Variants in FHIT observed in about 807,000 individuals in gnomAD.
The protein encoded by FHIT is fragile histidine triad diadenosine triphosphatase.
FHIT carries 19 observed loss-of-function variants against 17.9 expected under a neutral mutation model. The observed-to-expected ratio is 1.06, with a 90% CI of 0.74 to 1.56. FHIT has a LOEUF of 1.56. FHIT is among the 40% of genes most tolerant of loss of function. The pLI, the probability that FHIT is intolerant of heterozygous loss-of-function variation, is 0.00. For synonymous variants in FHIT, 81 were observed against 69.7 expected, an observed-to-expected ratio of 1.16 and a Z score of -0.81; for missense variants, 248 against 189.2, an observed-to-expected ratio of 1.31 and a Z score of -1.82.
At chr3:60,502,360 C>T (rs1309526243) in intron 5 of FHIT, among the ~76,000 whole-genome samples, 1 of 152,150 alleles carries the variant, frequency 6.6e-6, no homozygotes, top group East Asian at 1.9e-4. Flanking sequence ...GCCCCTGTCT[C>T]CAAGGAGCTG....
At chr3:60,194,804 T>TA (rs1426585804) in intron 5 of FHIT, among the ~76,000 whole-genome samples, 8 of 151,994 alleles carry the variant, frequency 5.3e-5, no homozygotes, top group Admixed American at 5.2e-4. Flanking sequence ...CAAAAGAAGA[T>TA]ATACAAGTGG....
At chr3:59,958,840 G>A (rs2107336255) in intron 7 of FHIT, among the ~76,000 whole-genome samples, 1 of 151,736 alleles carries the variant, frequency 6.6e-6, no homozygotes, top group Middle Eastern at 3.4e-3. Flanking sequence ...AGCATCTCCT[G>A]AGAATCCCAA....
At chr3:60,029,653 G>T (rs1409419420) in intron 5 of FHIT, among the ~76,000 whole-genome samples, 1 of 152,126 alleles carries the variant, frequency 6.6e-6, no homozygotes, top group Non-Finnish European at 1.5e-5. Flanking sequence ...CTCTCTAAAA[G>T]AAAATGATAT....
chr3:60,975,504 CA>C (rs1230484623), intron 3 of FHIT, among the ~76,000 whole-genome samples: 1 of 152,074 alleles, frequency 6.6e-6, no homozygotes, highest in Non-Finnish European at 1.5e-5. Flanking sequence ...AGAAAGATTA[CA>C]AAAGAAGTAT....
rs189830683 is a variant in FHIT, at chr3:59,957,289, G to C, written c.280-34875C>G. Among the ~76,000 whole-genome samples the C allele has an allele frequency of 4.5e-3, 686 of 152,324 alleles. 6 individuals carry two copies. The highest frequency in any genetic ancestry group is 0.015 in the African/African-American group (633 of 41,568). On this transcript the variant is annotated intron_variant, in intron 7 of 9. Coordinates refer to ENST00000492590, the MANE Select transcript of FHIT (RefSeq NM_002012.4). ...AATTTGGATACACAAAGAGAAACCA[G>C]GGGTGTGCATTCGAGAGAAAAGATT...
At chr3:60,551,666 A>G (rs1239474173) in intron 4 of FHIT, among the ~76,000 whole-genome samples, 1 of 144,694 alleles carries the variant, frequency 6.9e-6, no homozygotes, top group Non-Finnish European at 1.5e-5. Context: ...AGACCATGGC[A>G]CGAAATGCCT....
At chr3:59,782,182 A>T (rs1017273934) in intron 8 of FHIT, among the ~76,000 whole-genome samples, 3 of 152,136 alleles carry the variant, frequency 2.0e-5, no homozygotes, top group Non-Finnish European at 4.4e-5. Flanking sequence ...CAAACTCCTG[A>T]CCTTCAGGTG....
intron 5 of FHIT, among the ~76,000 whole-genome samples, chr3:60,446,689 A>C (rs1171346516): frequency 1.3e-5 from 2 of 152,034 alleles, no homozygotes; most frequent in Non-Finnish European, 2.9e-5. Flanking sequence ...CTGTCTCCAC[A>C]AAATACTTAA....
chr3:61,170,475 CAT>C (rs973229777), intron 2 of FHIT, among the ~76,000 whole-genome samples: 6 of 152,100 alleles, frequency 3.9e-5, no homozygotes, highest in Non-Finnish European at 8.8e-5. Context: ...TCATTACCCA[CAT>C]GTTAAACCTA....
intron 4 of FHIT, among the ~76,000 whole-genome samples, chr3:60,703,215 G>T (rs540518886): frequency 6.6e-6 from 1 of 152,308 alleles, no homozygotes; most frequent in African/African-American, 2.4e-5. Flanking sequence ...AAATGCCAAG[G>T]ACTGTTGGCA....
intron 5 of FHIT, among the ~76,000 whole-genome samples, chr3:60,169,848 G>A (rs1457285911): frequency 1.3e-5 from 2 of 152,164 alleles, no homozygotes; most frequent in African/African-American, 4.8e-5. Flanking sequence ...GTTCCCGGGA[G>A]GGAGGAGGTA....
At chr3:61,053,612 C>T (rs1004942682) in intron 2 of FHIT, among the ~76,000 whole-genome samples, 2 of 151,846 alleles carry the variant, frequency 1.3e-5, no homozygotes, top group Non-Finnish European at 2.9e-5. Flanking sequence ...GAGCCTAGAT[C>T]GTGCCATTGC....
At chr3:60,885,880 T>C (rs2107148650) in intron 3 of FHIT, among the ~76,000 whole-genome samples, 1 of 152,272 alleles carries the variant, frequency 6.6e-6, no homozygotes, top group Non-Finnish European at 1.5e-5. Flanking sequence ...GACACATTCA[T>C]ATGTTTTACA....
At chr3:60,907,841 A>G (rs768230899) in intron 3 of FHIT, among the ~76,000 whole-genome samples, 1 of 152,338 alleles carries the variant, frequency 6.6e-6, no homozygotes, top group East Asian at 1.9e-4. Context: ...GAGGTTTGCA[A>G]TACTAACTCA....
At chr3:61,185,620 G>C (rs9875844) in intron 2 of FHIT, among the ~76,000 whole-genome samples, 33,636 of 152,030 alleles carry the variant, frequency 0.22, 4,830 homozygotes, top group East Asian at 0.71. Flanking sequence ...ATCCACATGA[G>C]AGAACACACT....
intron 4 of FHIT, among the ~76,000 whole-genome samples, chr3:60,609,022 G>GAAA (rs35545161): frequency 0.011 from 1,602 of 141,646 alleles, 28 homozygotes; most frequent in African/African-American, 0.039. Context: ...GCACAATTTG[G>GAAA]AAAAAAAAAA....
Position 61,031,903 on chromosome 3 carries a change from C to A in FHIT, c.-111+10144G>T, listed in dbSNP as rs77856438. Reference sequence around the variant, plus strand: ...CAGGAAAATAAAGTAAGTTCACCTTCTGTAAGTTAAATCAAATGAACAATA... The same window carrying A: ...CAGGAAAATAAAGTAAGTTCACCTTATGTAAGTTAAATCAAATGAACAATA... On this transcript the variant is annotated intron_variant, in intron 3 of 9. Transcript: ENST00000492590. Among the ~76,000 whole-genome samples, 435 of 152,328 alleles carry A rather than the reference C, an allele frequency of 2.9e-3. 2 individuals are homozygous for A. The highest frequency in any genetic ancestry group is 0.01 in the African/African-American group (423 of 41,574).
intron 4 of FHIT, among the ~76,000 whole-genome samples, chr3:60,745,884 C>T (rs2042346412): frequency 6.6e-6 from 1 of 152,136 alleles, no homozygotes; most frequent in Non-Finnish European, 1.5e-5. Context: ...CAAGGTACCA[C>T]CACGTACTCT....
chr3:60,364,239 G>C (rs6787887), intron 5 of FHIT, among the ~76,000 whole-genome samples: 106,211 of 152,130 alleles, frequency 0.7, 37,672 homozygotes, highest in African/African-American at 0.83. Flanking sequence ...ACCTCTGTGT[G>C]TGTGTACTCC....
Sources: allele counts gnomAD v4.1 joint callset (sites outside exome capture counted in the v4.1 genomes callset), GRCh38; gene constraint gnomAD v4.1.1; transcripts MANE v1.5; gene names NCBI Gene and HGNC (gene_info 2026-07-23, HGNC 2026-07-21).